The following LOC400499 variants were observed in gnomAD, a reference collection of about 807,000 sequenced individuals.
chr16:11,464,682 C>T, the LOC400499 span, among the ~76,000 whole-genome samples: 1 of 152,330 alleles, frequency 6.6e-6, no homozygotes, highest in African/African-American at 2.4e-5. Flanking sequence ...CTCCTGTCTG[C>T]TGAAACAGGC....
chr16:11,454,076 C>T, the LOC400499 span, among the ~76,000 whole-genome samples: 126 of 152,274 alleles, frequency 8.3e-4, no homozygotes, highest in South Asian at 2.3e-3. Flanking sequence ...AGGACTAAGA[C>T]GAGCTCCTAA....
the LOC400499 span, among the ~76,000 whole-genome samples, chr16:11,452,454 C>A: frequency 1.3e-5 from 2 of 152,140 alleles, no homozygotes; most frequent in African/African-American, 2.4e-5. Context: ...GCTGACCACA[C>A]GCGGGGTTCA....
chr16:11,422,707 G>A, the LOC400499 span, among the ~76,000 whole-genome samples: 3 of 152,176 alleles, frequency 2.0e-5, no homozygotes, highest in African/African-American at 4.8e-5. Context: ...AGCCCGTGAC[G>A]CTCAGGTGGC....
the LOC400499 span, among the ~76,000 whole-genome samples, chr16:11,493,305 C>T: frequency 1.3e-5 from 2 of 152,180 alleles, no homozygotes; most frequent in African/African-American, 4.8e-5. Context: ...ATAGATAACA[C>T]CTAAGTGAGT....
chr16:11,519,894 G>T, the LOC400499 span, among the ~76,000 whole-genome samples: 1 of 151,882 alleles, frequency 6.6e-6, no homozygotes, highest in Non-Finnish European at 1.5e-5. Flanking sequence ...GTAGAGACAG[G>T]GTTTTTCCAT....
the LOC400499 span, chr16:11,462,178 G>A: frequency 6.5e-7 from 1 of 1,534,210 alleles, no homozygotes; most frequent in Non-Finnish European, 8.7e-7. Context: ...CCAGCTTGCT[G>A]CCCACCTGCC....
At chr16:11,503,793 G>C in the LOC400499 span, among the ~76,000 whole-genome samples, 4 of 152,146 alleles carry the variant, frequency 2.6e-5, no homozygotes, top group Non-Finnish European at 5.9e-5. Context: ...TCCTTCCTCC[G>C]GCAGGACCCA....
the LOC400499 span, among the ~76,000 whole-genome samples, chr16:11,507,388 C>G: frequency 6.6e-6 from 1 of 152,086 alleles, no homozygotes; most frequent in Non-Finnish European, 1.5e-5. Context: ...AAAGAATGAC[C>G]CAGCCCTCGG....
At chr16:11,524,635 C>A in the LOC400499 span, among the ~76,000 whole-genome samples, 1 of 152,182 alleles carries the variant, frequency 6.6e-6, no homozygotes, top group African/African-American at 2.4e-5. Flanking sequence ...CAGAGGACAA[C>A]CAGGGCATGA....
At chr16:11,427,505 C>T in the LOC400499 span, among the ~76,000 whole-genome samples, 1 of 152,042 alleles carries the variant, frequency 6.6e-6, no homozygotes, top group Non-Finnish European at 1.5e-5. Flanking sequence ...AATGCAGTGC[C>T]ACAATCATGG....
chr16:11,449,227 T>G, the LOC400499 span: 1 of 895,966 alleles, frequency 1.1e-6, no homozygotes, highest in African/African-American at 1.7e-5. Context: ...ACCCCTTCAA[T>G]GCCATTTCTC....
the LOC400499 span, chr16:11,435,783 C>T: frequency 2.8e-5 from 11 of 399,626 alleles, 1 homozygote; most frequent in Admixed American, 8.8e-5. Context: ...TCCTGGCTGG[C>T]GTCGACCTCC....
chr16:11,508,228 T>C, the LOC400499 span, among the ~76,000 whole-genome samples: 1 of 152,120 alleles, frequency 6.6e-6, no homozygotes, highest in Non-Finnish European at 1.5e-5. Flanking sequence ...GAGAATCTCA[T>C]CATCACAGCA....
chr16:11,380,262 G>C, the LOC400499 span, among the ~76,000 whole-genome samples: 4 of 146,290 alleles, frequency 2.7e-5, no homozygotes, highest in Non-Finnish European at 6.0e-5. Context: ...TTTTTGACTT[G>C]AAGGACTCCC....
At chr16:11,462,366 A>G in the LOC400499 span, 2 of 1,404,770 alleles carry the variant, frequency 1.4e-6, no homozygotes, top group Admixed American at 6.3e-5. Flanking sequence ...CCCTTACCAC[A>G]CGAACTGGGA....
chr16:11,520,606 G>T, the LOC400499 span, among the ~76,000 whole-genome samples: 8 of 143,210 alleles, frequency 5.6e-5, no homozygotes, highest in Non-Finnish European at 1.1e-4. Flanking sequence ...GGCGGAGATT[G>T]CAATGAGCTG....
At chr16:11,485,666 C>T in the LOC400499 span, among the ~76,000 whole-genome samples, 1 of 152,164 alleles carries the variant, frequency 6.6e-6, no homozygotes, top group African/African-American at 2.4e-5. Flanking sequence ...TTCTATCCAT[C>T]CTTATTCCTA....
chr16:11,410,067 C>T, the LOC400499 span, among the ~76,000 whole-genome samples: 1 of 152,142 alleles, frequency 6.6e-6, no homozygotes. Flanking sequence ...TCACTTGCAC[C>T]CAGGAGTTTG....
the LOC400499 span, among the ~76,000 whole-genome samples, chr16:11,374,424 C>A: frequency 1.7e-3 from 256 of 152,294 alleles, 1 homozygote; most frequent in African/African-American, 5.8e-3. Flanking sequence ...TTTGTGCAAC[C>A]AATCTCTGGA....
Sources: allele counts gnomAD v4.1 joint callset (sites outside exome capture counted in the v4.1 genomes callset), GRCh38; gene constraint gnomAD v4.1.1; transcripts MANE v1.5.